Variants in FAM20C observed in about 807,000 individuals in gnomAD.
FAM20C encodes the protein extracellular serine/threonine protein kinase FAM20C.
FAM20C carries 40 observed loss-of-function variants against 51.5 expected under a neutral mutation model. The ratio of observed to expected loss-of-function variants is 0.78; its 90% CI spans 0.60 to 1.01. The LOEUF (loss-of-function observed/expected upper bound fraction) is 1.01. FAM20C is among the 50% of genes least tolerant of loss of function. The pLI is 0.00. For synonymous variants in FAM20C, 406 were observed against 380.6 expected (o/e 1.07, Z -0.78); for missense variants, 861 against 844.7 (o/e 1.02, Z -0.24).
chr7:222,510 A>C (rs903503381), intron 3 of FAM20C, among the ~76,000 whole-genome samples: 1 of 152,112 alleles, frequency 6.6e-6, no homozygotes, highest in South Asian at 2.1e-4. Context: ...GCTGGCACTG[A>C]GAGGGGAGTG....
intron 5 of FAM20C, among the ~76,000 whole-genome samples, chr7:250,314 T>G (rs1050446238): frequency 6.6e-6 from 1 of 152,084 alleles, no homozygotes; most frequent in Non-Finnish European, 1.5e-5. Flanking sequence ...CCTCATTTGC[T>G]TTCTTCCTCT....
At position 195,687 on chromosome 7, in the gene FAM20C, G is replaced by C; in HGVS notation, c.739G>C (p.Glu247Gln). ...ELYSRHNPAIEALLHDLSSQR... is the reference protein window; with the variant it reads ...ELYSRHNPAIQALLHDLSSQR... ...GTACTCCAGACACAACCCGGCCATCGAGGCCCTGCTGCACGACCTCAGCTC... is the reference window on the plus strand; with the variant it reads ...GTACTCCAGACACAACCCGGCCATCCAGGCCCTGCTGCACGACCTCAGCTC... Residue 247 changes from glutamate (E) to glutamine (Q), a missense_variant, in exon 2 of 10, where the codon GAG (glutamate) becomes CAG (glutamine). This residue lies in a region of FAM20C where 561 missense variants were observed against 499.8 expected (regional missense o/e 1.12). Coordinates refer to ENST00000313766, the MANE Select transcript of FAM20C (RefSeq NM_020223.4). 6 of 1,611,046 alleles carry C rather than the reference G, an allele frequency of 3.7e-6. No homozygotes were observed. Among genetic ancestry groups the C allele is most frequent in the Non-Finnish European group, 5.1e-6 (6 of 1,178,738 alleles).
At chr7:230,034 A>T (rs1468511381) in intron 3 of FAM20C, among the ~76,000 whole-genome samples, 3 of 152,092 alleles carry the variant, frequency 2.0e-5, no homozygotes, top group South Asian at 4.1e-4. Context: ...GACCCTCTGG[A>T]AGGTGCCCCG....
chr7:256,253 C>T (rs958206364), intron 6 of FAM20C: 9 of 623,708 alleles, frequency 1.4e-5, no homozygotes, highest in Non-Finnish European at 2.2e-5. Context: ...GCCGGCCTGC[C>T]CACCAGGTCC....
At chr7:258,752 T>A in intron 9 of FAM20C, 47 bp downstream of exon 9, 1 of 1,504,024 alleles carries the variant, frequency 6.6e-7, no homozygotes, top group South Asian at 1.2e-5. Flanking sequence ...TCCTCCCTAC[T>A]GCGCAGGAGA....
intron 3 of FAM20C, among the ~76,000 whole-genome samples, chr7:233,377 C>T (rs1400876917): frequency 3.9e-5 from 6 of 152,232 alleles, no homozygotes; most frequent in African/African-American, 1.2e-4. Flanking sequence ...GACTAAATCA[C>T]CGTGTCCATC....
At chr7:223,004 C>T (rs1438925257) in intron 3 of FAM20C, among the ~76,000 whole-genome samples, 1 of 151,212 alleles carries the variant, frequency 6.6e-6, no homozygotes, top group Non-Finnish European at 1.5e-5. Context: ...CATGTGTGGG[C>T]ATCTGTACGT....
chr7:257,113 C>G, intron 8 of FAM20C, 27 bp downstream of exon 8: 3 of 1,533,736 alleles, frequency 2.0e-6, no homozygotes, highest in Non-Finnish European at 2.6e-6. Flanking sequence ...CCCTGCACAC[C>G]CAGGGAAGGG....
chr7:193,367 C>T lies in FAM20C; in HGVS notation c.168C>T (p.Ala56=). The change falls in exon 1 of 10, where the codon GCC becomes GCT. Residue 56 remains alanine (A), a synonymous_variant. Transcript: ENST00000313766. ...GCGCGCAGCCCGCCGCCGAGGTGGCCGCGCCCGGCTGGGCCCAGGTTCGGG... is the reference window on the plus strand; with the variant it reads ...GCGCGCAGCCCGCCGCCGAGGTGGCTGCGCCCGGCTGGGCCCAGGTTCGGG... ...CSCAQPAAEV[A]APGWAQVRGR... is the part of the protein sequence containing the mutation. The T allele has an allele frequency of 1.6e-6, 2 of 1,267,356 alleles. No homozygotes were observed. Among genetic ancestry groups the T allele is most frequent in the Non-Finnish European group, 2.0e-6 (2 of 1,007,546 alleles). 78.5% of individuals were successfully genotyped at this position (1,267,356 alleles called of 1,614,324 possible).
chr7:225,986 G>A (rs184398374), intron 3 of FAM20C, among the ~76,000 whole-genome samples: 3 of 151,026 alleles, frequency 2.0e-5, no homozygotes, highest in Non-Finnish European at 3.0e-5. Flanking sequence ...GGGGTCGCAC[G>A]GCGGCTGTCC....
Position 243,944 on chromosome 7 carries a change from A to AATAATAATTATTATT in FAM20C, c.864-2469_864-2468insAATAATTATTATTAT, listed in dbSNP as rs771341264. On this transcript the variant is annotated intron_variant, in intron 3 of 9. Coordinates refer to ENST00000313766, the MANE Select transcript of FAM20C (RefSeq NM_020223.4). Reference sequence around the variant, plus strand: ...AAATAATAATAATAATAATAATAATAATTATTATTATTATTATTTGGAGAC... The same window carrying AATAATAATTATTATT: ...AAATAATAATAATAATAATAATAATAATAATAATTATTATTATTATTATTATTATTATTTGGAGAC... 7.1e-3 allele frequency among the ~76,000 whole-genome samples: 965 copies of AATAATAATTATTATT among 136,804 alleles called. 3 individuals are homozygous for AATAATAATTATTATT. The highest frequency in any genetic ancestry group is 0.036 in the Middle Eastern group (10 of 276). 89.7% of individuals were successfully genotyped at this position (136,804 alleles called of 152,430 possible).
At chr7:194,528 A>G (rs1373118721) in intron 1 of FAM20C, among the ~76,000 whole-genome samples, 2 of 151,872 alleles carry the variant, frequency 1.3e-5, no homozygotes, top group African/African-American at 2.4e-5. Context: ...AGGTTACCCC[A>G]GCAGCAGAGG....
chr7:204,542 G>A (rs1022122525), intron 2 of FAM20C, among the ~76,000 whole-genome samples: 9 of 152,270 alleles, frequency 5.9e-5, no homozygotes, highest in Admixed American at 6.5e-5. Flanking sequence ...GAGCTCAGGG[G>A]CAGCAAGAGC....
intron 5 of FAM20C, among the ~76,000 whole-genome samples, chr7:253,395 C>T (rs548599473): frequency 3.3e-5 from 5 of 152,352 alleles, no homozygotes; most frequent in Middle Eastern, 3.4e-3. Context: ...TGCCTGTCTG[C>T]GCTCTCCGGG....
chr7:247,789 G>A (rs1404675881), intron 4 of FAM20C, among the ~76,000 whole-genome samples: 1 of 152,240 alleles, frequency 6.6e-6, no homozygotes, highest in African/African-American at 2.4e-5. Context: ...TGGAGGGGGA[G>A]GGTGCTCCAC....
At chr7:237,106 G>A (rs1787872482) in intron 3 of FAM20C, among the ~76,000 whole-genome samples, 1 of 152,246 alleles carries the variant, frequency 6.6e-6, no homozygotes, top group Non-Finnish European at 1.5e-5. Flanking sequence ...AGAACAGGCT[G>A]CCTCGGGGCT....
At chr7:206,534 C>T (rs1786397159) in intron 2 of FAM20C, among the ~76,000 whole-genome samples, 1 of 115,080 alleles carries the variant, frequency 8.7e-6, no homozygotes, top group African/African-American at 2.7e-5. Context: ...TCCCCTCGGC[C>T]CTGCACACGT....
In FAM20C at chr7:260,220, CGGA is replaced by C; in HGVS notation, c.*243_*245del. On this transcript the variant is annotated 3_prime_UTR_variant, in exon 10 of 10. Coordinates refer to ENST00000313766, the MANE Select transcript of FAM20C (RefSeq NM_020223.4). ...GCTCACGGACAGAGGCGGCCGGCGC[CGGA>C]GGCATTCCATCCTTTCTGTAGGGAA... The C allele has an allele frequency of 2.1e-6, 1 of 472,602 alleles. No homozygotes were observed. The highest frequency in any genetic ancestry group is 3.6e-6 in the Non-Finnish European group (1 of 274,496). 29.3% of individuals were successfully genotyped at this position (472,602 alleles called of 1,614,324 possible). A position where few individuals can be genotyped will look rare whatever the true frequency, so the allele number is the denominator to read the frequency against.
In FAM20C at chr7:195,569, T is replaced by G. The variant is rs780159262; in HGVS notation, c.621T>G (p.Ala207=). The G allele has an allele frequency of 3.8e-6, 6 of 1,588,468 alleles. No homozygotes were observed. The highest frequency in any genetic ancestry group is 5.1e-6 in the Non-Finnish European group (6 of 1,165,766). The change falls in exon 2 of 10, where the codon GCT becomes GCG. Residue 207 remains alanine (A), a synonymous_variant. Coordinates refer to ENST00000313766, the MANE Select transcript of FAM20C (RefSeq NM_020223.4). ...AENPDWPHAG[A]EGAEFLSPGE... ...CTCCCTGCAGGCCGCATGCGGGTGC[T>G]GAAGGTGCAGAATTCCTCTCCCCCG...
Sources: gnomAD v4.1 joint callset for allele counts (sites outside exome capture counted in the v4.1 genomes callset) on GRCh38, gnomAD v4.1.1 for gene constraint, gnomAD v4.1.1 regional missense constraint, MANE v1.5 for transcripts, NCBI Gene and HGNC (gene_info 2026-07-23, HGNC 2026-07-21) for gene names.